The following MPDZ variants were observed in gnomAD, a reference collection of about 807,000 sequenced individuals.
MPDZ encodes multiple PDZ domain protein.
Under a neutral mutation model 239.1 loss-of-function variants are expected in MPDZ, and 234 were observed. The ratio of observed to expected loss-of-function variants is 0.98; its 90% CI spans 0.88 to 1.09. The LOEUF is 1.09. Ranked by LOEUF, MPDZ falls within the 50% of genes least tolerant of loss-of-function variation. MPDZ has a pLI of 0.00. For missense variants in MPDZ, 3,175 were observed against 2,510.0 expected (o/e 1.26, Z -5.66); for synonymous variants, 1,048 against 881.3 (o/e 1.19, Z -3.35).
chr9:13,126,761 A>C lies in MPDZ; in HGVS notation c.4476T>G (p.Gly1492=). 1 of 1,613,376 alleles carries C rather than the reference A, an allele frequency of 6.2e-7. No individual in the cohort carries two copies. Among genetic ancestry groups the C allele is most frequent in the Non-Finnish European group, 8.5e-7 (1 of 1,179,614 alleles). Reference sequence around the variant, plus strand: ...CTTCTTCGCTGATAGCAATACCCAAACCCCCCTGATCCTAGAAAAGTAAAA... The same window carrying C: ...CTTCTTCGCTGATAGCAATACCCAACCCCCCCTGATCCTAGAAAAGTAAAA... The part of the protein sequence containing the change: ...QHLELPKDQG[G]LGIAISEEDT... Residue 1492 remains glycine, a synonymous_variant, in exon 33 of 47, where the codon GGT becomes GGG. Coordinates refer to ENST00000319217, the MANE Select transcript of MPDZ (RefSeq NM_001378778.1).
chr9:13,226,075 G>C (rs1014894872), intron 3 of MPDZ, among the ~76,000 whole-genome samples: 1 of 151,996 alleles, frequency 6.6e-6, no homozygotes, highest in East Asian at 1.9e-4. Flanking sequence ...GGGTGGTTTT[G>C]TGTATCCTTA....
At position 13,205,115 on chromosome 9, in the gene MPDZ, A is replaced by G; in HGVS notation, c.1475-8T>C. On this transcript the variant is annotated splice_polypyrimidine_tract_variant and splice_region_variant and intron_variant, in intron 11 of 46. Transcript: ENST00000319217. The stretch of plus-strand genomic sequence containing the variant: ...CATCTTTTTCATAATTTTCTTAAAG[A>G]TAAAAATATTTTAGTAATTTTATCT... 1.5e-6 allele frequency: 2 copies of G among 1,356,014 alleles called. No homozygotes were observed. The highest frequency in any genetic ancestry group is 9.8e-7 in the Non-Finnish European group (1 of 1,022,258). The allele number at this position is 1,356,014 out of a possible 1,614,324, so 84.0% of individuals were successfully genotyped here.
intron 24 of MPDZ, among the ~76,000 whole-genome samples, 191 bp from the exon 25 acceptor site, chr9:13,150,879 G>C (rs373127238): frequency 1.2e-4 from 18 of 151,724 alleles, no homozygotes; most frequent in African/African-American, 4.3e-4. Context: ...AGAGTAAAAA[G>C]GCAACCAACG....
intron 3 of MPDZ, among the ~76,000 whole-genome samples, chr9:13,237,271 C>T (rs981294746): frequency 6.6e-5 from 10 of 150,612 alleles, no homozygotes; most frequent in Non-Finnish European, 1.3e-4. Flanking sequence ...GGCAAAAGCC[C>T]GTCTCTACAA....
At position 13,246,090 on chromosome 9, in the gene MPDZ, T is replaced by C. The variant is rs558012624; in HGVS notation, c.183+1545A>G. ...AAGCAGATAATTTCCACAACATAAT[T>C]ATGCTTTTATTTGGGATACTGGTTT... is the stretch of plus-strand genomic sequence containing the variant. On this transcript the variant is annotated intron_variant, in intron 3 of 46. Transcript: ENST00000319217. Among the ~76,000 whole-genome samples, 17 of 152,264 alleles carry C rather than the reference T, an allele frequency of 1.1e-4. No individual in the cohort carries two copies. The East Asian group carries it at 2.7e-3, about 24-fold the overall frequency.
chr9:13,117,843 CTT>C (rs201420389), intron 39 of MPDZ, among the ~76,000 whole-genome samples: 16 of 131,568 alleles, frequency 1.2e-4, no homozygotes, highest in Admixed American at 3.1e-4. Flanking sequence ...TTCAGATTAG[CTT>C]TTTTTTTTTT....
At chr9:13,131,307 C>T (rs1563864714) in intron 32 of MPDZ, among the ~76,000 whole-genome samples, 1 of 152,112 alleles carries the variant, frequency 6.6e-6, no homozygotes, top group Non-Finnish European at 1.5e-5. Context: ...GGGGAACTCA[C>T]AAATTCATGG....
At chr9:13,205,390 G>C (rs916591571) in intron 11 of MPDZ, among the ~76,000 whole-genome samples, 1 of 152,068 alleles carries the variant, frequency 6.6e-6, no homozygotes, top group African/African-American at 2.4e-5. Flanking sequence ...TCAGCGAAAA[G>C]CCTGATTTCT....
intron 36 of MPDZ, 87 bp downstream of exon 36, chr9:13,123,066 C>A (rs774171328): frequency 1.4e-6 from 2 of 1,383,342 alleles, no homozygotes; most frequent in Admixed American, 5.1e-5. Flanking sequence ...ATTTCCTTTA[C>A]TAGAACTGAT....
intron 39 of MPDZ, among the ~76,000 whole-genome samples, chr9:13,115,970 A>AAAAAAAAAT (rs1943377441): frequency 6.6e-6 from 1 of 151,068 alleles, no homozygotes; most frequent in African/African-American, 2.4e-5. Flanking sequence ...AAAAAAAAAA[A>AAAAAAAAAT]AAAGCGAACA....
chr9:13,165,456 C>T, intron 22 of MPDZ: 1 of 1,546,654 alleles, frequency 6.5e-7, no homozygotes, highest in Non-Finnish European at 8.7e-7. Flanking sequence ...ATGGTGTTAA[C>T]AAATGTCAAT....
chr9:13,185,917 C>G (rs181705240), intron 18 of MPDZ, among the ~76,000 whole-genome samples: 1 of 151,978 alleles, frequency 6.6e-6, no homozygotes, highest in Admixed American at 6.6e-5. Flanking sequence ...TAAATACAGC[C>G]AAAACAGTGA....
intron 12 of MPDZ, among the ~76,000 whole-genome samples, chr9:13,199,891 C>T (rs374713227): frequency 7.9e-5 from 12 of 152,032 alleles, no homozygotes; most frequent in East Asian, 7.7e-4. Flanking sequence ...TTTGCAACTA[C>T]GTTCATGAAG....
chr9:13,263,256 A>G (rs1971085395), intron 1 of MPDZ, among the ~76,000 whole-genome samples: 1 of 152,158 alleles, frequency 6.6e-6, no homozygotes, highest in South Asian at 2.1e-4. Flanking sequence ...GCATTTATGT[A>G]CATTTGAAAT....
intron 19 of MPDZ, among the ~76,000 whole-genome samples, chr9:13,179,824 T>C (rs775635902): frequency 6.6e-6 from 1 of 152,184 alleles, no homozygotes; most frequent in Non-Finnish European, 1.5e-5. Flanking sequence ...GGGCATATTA[T>C]TTACCCAGAT....
At chr9:13,258,316 G>T (rs1197989629) in intron 1 of MPDZ, among the ~76,000 whole-genome samples, 1 of 152,156 alleles carries the variant, frequency 6.6e-6, no homozygotes, top group Non-Finnish European at 1.5e-5. Context: ...TCTATGAAGA[G>T]AAACTGCCCA....
intron 3 of MPDZ, among the ~76,000 whole-genome samples, chr9:13,237,140 C>CAT (rs1211416557): frequency 6.6e-6 from 1 of 151,608 alleles, no homozygotes; most frequent in Non-Finnish European, 1.5e-5. Flanking sequence ...TTTCATATTC[C>CAT]ATGCTTCAAA....
At chr9:13,170,183 A>C (rs1951607045) in intron 21 of MPDZ, among the ~76,000 whole-genome samples, 1 of 152,128 alleles carries the variant, frequency 6.6e-6, no homozygotes, top group Non-Finnish European at 1.5e-5. Flanking sequence ...GATGTCACAA[A>C]TTCCTTTTTA....
chr9:13,127,387 C>G (rs574169306), intron 32 of MPDZ, among the ~76,000 whole-genome samples: 1 of 152,334 alleles, frequency 6.6e-6, no homozygotes, highest in Non-Finnish European at 1.5e-5. Context: ...ACACCTACTT[C>G]GCTACATTTT....
Sources: allele counts gnomAD v4.1 joint callset (sites outside exome capture counted in the v4.1 genomes callset), GRCh38; gene constraint gnomAD v4.1.1; transcripts MANE v1.5; gene names NCBI Gene and HGNC (gene_info 2026-07-23, HGNC 2026-07-21).